Variants in CCDC180 observed in about 807,000 individuals in gnomAD.
CCDC180 encodes coiled-coil domain containing 180.
In CCDC180, 154 loss-of-function variants were observed where a neutral mutation model predicts 209.2. That is an observed-to-expected ratio of 0.74 (90% confidence interval 0.65 to 0.84). The LOEUF is 0.84. Among genes scored for constraint, CCDC180 ranks in the 40% least tolerant of loss-of-function variants. The pLI, the probability that CCDC180 is intolerant of heterozygous loss-of-function variation, is 0.00. For missense variants in CCDC180, 1,874 were observed against 1,997.3 expected (o/e 0.94, Z 1.18); for synonymous variants, 778 against 749.1 (o/e 1.04, Z -0.63).
At chr9:97,330,086 AAAAGGT>A in intron 16 of CCDC180, 62 bp from the exon 17 acceptor site, 1 of 1,227,120 alleles carries the variant, frequency 8.1e-7, no homozygotes, top group Non-Finnish European at 1.2e-6. Context: ...AAAAAAAAAA[AAAAGGT>A]GGGGGGCACT....
chr9:97,311,559 C>T (rs567585876), intron 3 of CCDC180, among the ~76,000 whole-genome samples: 1 of 152,288 alleles, frequency 6.6e-6, no homozygotes, highest in South Asian at 2.1e-4. Context: ...GAAATAGTTC[C>T]TCCTGAAACC....
rs893684574 is a variant in CCDC180 at position 97,366,968 on chromosome 9, G to C, written c.4189+268G>C. Among the ~76,000 whole-genome samples, 5 of 152,166 alleles carry C rather than the reference G, an allele frequency of 3.3e-5. No individual in the cohort carries two copies. The highest frequency in any genetic ancestry group is 2.9e-5 in the Non-Finnish European group (2 of 68,020). ...TTTTGTTTCTTCTACAGATATTTTT[G>C]ACAGCTTTGTTGAGATACTTGGGTA... On this transcript the variant is annotated intron_variant, in intron 31 of 36. Transcript: ENST00000529487. This position sits in a 1 kb window ranked among gnomAD's most constrained non-coding sequence, Gnocchi z 4.3.
chr9:97,332,107 T>A lies in CCDC180; in HGVS notation c.2274+1340T>A, dbSNP rs149023777. Among the ~76,000 whole-genome samples the A allele has an allele frequency of 2.6e-3, 389 of 152,324 alleles. 1 individual carries two copies. The highest frequency in any genetic ancestry group is 8.6e-3 in the African/African-American group (358 of 41,570). On this transcript the variant is annotated intron_variant, in intron 18 of 36. Coordinates refer to ENST00000529487, the MANE Select transcript of CCDC180 (RefSeq NM_020893.6). Reference sequence around the variant, plus strand: ...TAAGGTAGGGGTCCAGTTTCAATCTTCTGCATATGGCTACCCAGCACCATT... The same window carrying A: ...TAAGGTAGGGGTCCAGTTTCAATCTACTGCATATGGCTACCCAGCACCATT...
At chr9:97,315,015 C>T (rs1230006951) in intron 8 of CCDC180, 69 bp downstream of exon 8, 31 of 1,188,720 alleles carry the variant, frequency 2.6e-5, no homozygotes, top group Admixed American at 3.5e-5. Context: ...CAGGGCACCC[C>T]GAGCCTGGTG....
rs556479568 is a variant in CCDC180, at chr9:97,342,990, C to T, written c.2275-350C>T. ...GAGCAGGAATCCCAAACTCAAATGCCCACAGGTATGTAATAGAAAAGAGGG... is the reference window on the plus strand; with the variant it reads ...GAGCAGGAATCCCAAACTCAAATGCTCACAGGTATGTAATAGAAAAGAGGG... On this transcript the variant is annotated intron_variant, in intron 18 of 36. Coordinates refer to ENST00000529487, the MANE Select transcript of CCDC180 (RefSeq NM_020893.6). Among the ~76,000 whole-genome samples the T allele has an allele frequency of 3.9e-5, 6 of 152,186 alleles. No individual in the cohort carries two copies. In the East Asian group the frequency reaches 9.6e-4, roughly 24 times the overall value.
chr9:97,313,223 TGTTGCTCCGCA>T lies in CCDC180; in HGVS notation c.350-9_351del. On this transcript the variant is annotated splice_acceptor_variant and splice_polypyrimidine_tract_variant and intron_variant, in intron 4 of 36. Transcript: ENST00000529487. LOFTEE classifies it high-confidence loss of function. ...CTGAAGGCAGCCTCATCACCTCTGT[TGTTGCTCCGCA>T]GTTCCTGAGAAGATAAGCACCAGCA... The T allele has an allele frequency of 6.3e-7, 1 of 1,583,630 alleles. No individual in the cohort carries two copies. The highest frequency in any genetic ancestry group is 8.7e-7 in the Non-Finnish European group (1 of 1,154,690).
chr9:97,370,513 A>G, intron 32 of CCDC180, 128 bp from the exon 33 acceptor site: 1 of 1,033,302 alleles, frequency 9.7e-7, no homozygotes, highest in Non-Finnish European at 1.4e-6. Context: ...TCTTCTGCCC[A>G]CCCATCACCC....
Position 97,377,064 on chromosome 9 carries a change from C to G in CCDC180, c.*170C>G. 1.7e-6 allele frequency: 1 copy of G among 584,186 alleles called. No individual in the cohort carries two copies. The highest frequency in any genetic ancestry group is 2.7e-6 in the Non-Finnish European group (1 of 369,284). 36.2% of individuals were successfully genotyped at this position (584,186 alleles called of 1,614,324 possible). A position where few individuals can be genotyped will look rare whatever the true frequency, so the allele number is the denominator to read the frequency against. On this transcript the variant is annotated 3_prime_UTR_variant, in exon 37 of 37. Coordinates refer to ENST00000529487, the MANE Select transcript of CCDC180 (RefSeq NM_020893.6). ...CAGGACACAGCATGGTCCCTGCCCA[C>G]GTGGAGCCCTCTTCCCATGAGGAAG...
At chr9:97,327,791 G>A (rs1833583320) in intron 15 of CCDC180, among the ~76,000 whole-genome samples, 1 of 152,134 alleles carries the variant, frequency 6.6e-6, no homozygotes, top group African/African-American at 2.4e-5. Context: ...GGGAAAGGGA[G>A]CTCATGTTAC....
rs1168101717 is a variant in CCDC180 at position 97,378,703 on chromosome 9, C to T, written c.*1809C>T. On this transcript the variant is annotated 3_prime_UTR_variant, in exon 37 of 37. Transcript: ENST00000529487. The stretch of plus-strand genomic sequence containing the variant: ...CCATGCAGGGCTCCTAGAAAGAAGG[C>T]AGAGATGACATCCTCCCACATTAGC... 2.0e-5 allele frequency among the ~76,000 whole-genome samples: 3 copies of T among 152,200 alleles called. No individual in the cohort carries two copies.
At chr9:97,320,507 G>A (rs1361695872) in intron 11 of CCDC180, among the ~76,000 whole-genome samples, 1 of 152,232 alleles carries the variant, frequency 6.6e-6, no homozygotes, top group African/African-American at 2.4e-5. Flanking sequence ...TGCCCCAAGA[G>A]TGTGAGGTGG....
intron 11 of CCDC180, among the ~76,000 whole-genome samples, chr9:97,321,250 A>G (rs1833348403): frequency 6.6e-6 from 1 of 152,228 alleles, no homozygotes; most frequent in Admixed American, 6.5e-5. Flanking sequence ...ATTTATTGGG[A>G]CATAACCCCA....
intron 18 of CCDC180, among the ~76,000 whole-genome samples, chr9:97,335,720 A>G (rs1490125743): frequency 6.6e-6 from 1 of 152,192 alleles, no homozygotes. Context: ...GTCAAATGGT[A>G]TTTCTAGTTC....
chr9:97,366,804 G>GAT lies in CCDC180; in HGVS notation c.4189+104_4189+105insAT. 9.7e-6 allele frequency: 12 copies of GAT among 1,231,434 alleles called. No individual in the cohort carries two copies. Among genetic ancestry groups the GAT allele is most frequent in the Non-Finnish European group, 1.3e-5 (12 of 908,264 alleles). The allele number at this position is 1,231,434 out of a possible 1,614,324, so 76.3% of individuals were successfully genotyped here. A position where few individuals can be genotyped will look rare whatever the true frequency, so the allele number is the denominator to read the frequency against. On this transcript the variant is annotated intron_variant, in intron 31 of 36. Transcript: ENST00000529487. This position sits in a 1 kb window ranked among gnomAD's most constrained non-coding sequence, Gnocchi z 4.3. ...GCCTGGATCCTCCCCTCTGGGGGAG[G>GAT]CAGAAGAGCTTCCCTGTGAAAAGCT...
chr9:97,349,263 ATCT>A lies in CCDC180; in HGVS notation c.2832_2834del (p.Phe944del), dbSNP rs755735040. 9.1e-5 allele frequency: 140 copies of A among 1,536,588 alleles called. No individual in the cohort carries two copies. Among genetic ancestry groups the A allele is most frequent in the Non-Finnish European group, 8.8e-5 (101 of 1,147,052 alleles). ...CCTTAAGATCTATGACATGGAGCAC[ATCT>A]TCTTGAATGCCACCAGGAGCCAAAA... On this transcript the variant is annotated inframe_deletion, in exon 21 of 37. Transcript: ENST00000529487.
intron 18 of CCDC180, among the ~76,000 whole-genome samples, chr9:97,332,170 G>A (rs567930208): frequency 2.1e-4 from 32 of 152,172 alleles, no homozygotes; most frequent in African/African-American, 7.2e-4. Context: ...GCTTGTTTTT[G>A]TCAGCTTTGT....
intron 15 of CCDC180, among the ~76,000 whole-genome samples, chr9:97,327,778 A>T (rs531148176): frequency 6.6e-6 from 1 of 152,318 alleles, no homozygotes; most frequent in Non-Finnish European, 1.5e-5. Flanking sequence ...AGGACCCTGG[A>T]CAGGGAAAGG....
intron 3 of CCDC180, among the ~76,000 whole-genome samples, chr9:97,310,992 G>A (rs537789484): frequency 5.3e-5 from 8 of 152,342 alleles, no homozygotes; most frequent in African/African-American, 1.9e-4. Flanking sequence ...GCAGAGGCCA[G>A]ACTGGGCTGA....
At chr9:97,338,182 GC>G (rs1825967226) in intron 18 of CCDC180, among the ~76,000 whole-genome samples, 1 of 152,120 alleles carries the variant, frequency 6.6e-6, no homozygotes, top group Non-Finnish European at 1.5e-5. Context: ...TCTAATCTTA[GC>G]TATTTCTTGC....
Sources: allele counts gnomAD v4.1 joint callset (sites outside exome capture counted in the v4.1 genomes callset), GRCh38; gene constraint gnomAD v4.1.1; non-coding constraint Gnocchi (gnomAD v3.1); transcripts MANE v1.5; gene names NCBI Gene and HGNC (gene_info 2026-07-23, HGNC 2026-07-21).